The following HID1 variants were observed in gnomAD, a reference collection of about 807,000 sequenced individuals.
HID1 encodes protein HID1.
Under a neutral mutation model 89.7 loss-of-function variants are expected in HID1, and 42 were observed. The observed-to-expected ratio is 0.47, with a 90% CI of 0.37 to 0.61. HID1 has a LOEUF of 0.61. Among genes scored for constraint, HID1 ranks in the 20% least tolerant of loss-of-function variants. The pLI is 0.00. For missense variants in HID1, 854 were observed against 1,039.3 expected (o/e 0.82, Z 2.45); for synonymous variants, 442 against 433.8 (o/e 1.02, Z -0.24).
chr17:74,965,963 C>T (rs2039555906), intron 1 of HID1, among the ~76,000 whole-genome samples: 3 of 151,116 alleles, frequency 2.0e-5, no homozygotes, highest in South Asian at 4.2e-4. Flanking sequence ...CTAGGATGCT[C>T]ACAATTCATG....
At position 74,955,515 on chromosome 17, in the gene HID1, T is replaced by A. The variant is rs967622132; in HGVS notation, c.1636+277A>T. Among the ~76,000 whole-genome samples, 28 of 151,658 alleles carry A rather than the reference T, an allele frequency of 1.8e-4. 1 individual carries two copies. The highest frequency in any genetic ancestry group is 6.1e-4 in the African/African-American group (25 of 41,300). ...GACGCCGTCGGGAAAAAAAAAAAAA[T>A]TTCAGATGTCCATCATCTGTTTGAA... On this transcript the variant is annotated intron_variant, in intron 13 of 18. Coordinates refer to ENST00000425042, the MANE Select transcript of HID1 (RefSeq NM_030630.3).
At chr17:74,953,721 T>A (rs2039343126) in intron 14 of HID1, 70 bp from the exon 15 acceptor site, 9 of 1,231,866 alleles carry the variant, frequency 7.3e-6, no homozygotes, top group East Asian at 2.4e-5. Context: ...CTCCACCCAC[T>A]TTTTTATTTT....
At chr17:74,964,662 A>G in intron 1 of HID1, 30 bp from the exon 2 acceptor site, 1 of 1,600,776 alleles carries the variant, frequency 6.2e-7, no homozygotes. Context: ...CCAGAGTTAC[A>G]CAACTCCTGG....
rs375870263 is a variant in HID1 at position 74,959,021 on chromosome 17, G to A, written c.1039C>T (p.Arg347Trp). ...TGGAGCAGGGGGTTGGACAGCAGCC[G>A]GGCTATACCCTTGAGGATGAACTGG... ...DFQFILKGIA[R>W]LLSNPLLQTY... Residue 347 changes from arginine (R) to tryptophan (W), a missense_variant, in exon 9 of 19, where the codon CGG (arginine) becomes TGG (tryptophan). Coordinates refer to ENST00000425042, the MANE Select transcript of HID1 (RefSeq NM_030630.3). The surrounding 1 kb of genome is among the most constrained non-coding windows in gnomAD (Gnocchi z 4.6). 5.7e-6 allele frequency: 9 copies of A among 1,587,538 alleles called. No individual in the cohort carries two copies. Among genetic ancestry groups the A allele is most frequent in the South Asian group, 1.1e-5 (1 of 87,660 alleles).
At position 74,958,576 on chromosome 17, in the gene HID1, G is replaced by C; in HGVS notation, c.1240+97C>G. The C allele has an allele frequency of 6.3e-7, 1 of 1,584,120 alleles. No individual in the cohort carries two copies. Among genetic ancestry groups the C allele is most frequent in the Non-Finnish European group, 8.6e-7 (1 of 1,157,538 alleles). ...GAGGCCTCCCTCCTAGGAGGTCAGA[G>C]TGCCAGGCCTGAGCTCCTGGGAGTC... On this transcript the variant is annotated intron_variant, in intron 10 of 18. Transcript: ENST00000425042. This position sits in a 1 kb window ranked among gnomAD's most constrained non-coding sequence, Gnocchi z 5.2.
chr17:74,952,902 T>C, intron 16 of HID1, 104 bp downstream of exon 16: 3 of 849,806 alleles, frequency 3.5e-6, no homozygotes, highest in Non-Finnish European at 5.4e-6. Context: ...TCTTGCCATC[T>C]TCACTGAGCT....
At chr17:74,952,896 G>A (rs775219352) in intron 16 of HID1, 110 bp downstream of exon 16, 28 of 787,850 alleles carry the variant, frequency 3.6e-5, no homozygotes, top group Non-Finnish European at 5.1e-5. Context: ...CGGACATCTT[G>A]CCATCTTCAC....
At chr17:74,968,985 T>G (rs908725083) in intron 1 of HID1, among the ~76,000 whole-genome samples, 2 of 152,208 alleles carry the variant, frequency 1.3e-5, no homozygotes, top group Non-Finnish European at 2.9e-5. Context: ...CCTCCCTGTT[T>G]CCTCAGCTTG....
chr17:74,964,384 G>T lies in HID1; in HGVS notation c.216+99C>A, dbSNP rs1432719313. 21 of 1,313,950 alleles carry T rather than the reference G, an allele frequency of 1.6e-5. No homozygotes were observed. In the East Asian group the frequency reaches 5.0e-4, roughly 31 times the overall value. 81.4% of individuals were successfully genotyped at this position (1,313,950 alleles called of 1,614,324 possible). On this transcript the variant is annotated intron_variant, in intron 2 of 18. Coordinates refer to ENST00000425042, the MANE Select transcript of HID1 (RefSeq NM_030630.3). ...AAGAGCTGAGTGAGGCCACAGGGCT[G>T]CCTGCCCCTGTGGGGCGGGAGGCCC...
chr17:74,952,260 C>A lies in HID1; in HGVS notation c.2144+9G>T. 2 of 1,612,032 alleles carry A rather than the reference C, an allele frequency of 1.2e-6. No homozygotes were observed. The highest frequency in any genetic ancestry group is 8.5e-7 in the Non-Finnish European group (1 of 1,178,912). On this transcript the variant is annotated intron_variant, in intron 17 of 18. Transcript: ENST00000425042. Reference sequence around the variant, plus strand: ...CCACAACCCCCGGCCCTGCCGGCGCCCGACTCACTTGTCAATGCAGATCTT... The same window carrying A: ...CCACAACCCCCGGCCCTGCCGGCGCACGACTCACTTGTCAATGCAGATCTT...
intron 1 of HID1, among the ~76,000 whole-genome samples, chr17:74,970,425 G>T (rs775073240): frequency 1.3e-5 from 2 of 152,178 alleles, no homozygotes; most frequent in Non-Finnish European, 2.9e-5. Flanking sequence ...ATATGCACCC[G>T]CCAGGTTCAT....
Position 74,958,219 on chromosome 17 carries a change from C to A in HID1, c.1393G>T (p.Val465Leu), listed in dbSNP as rs1166270806. 3.1e-6 allele frequency: 5 copies of A among 1,610,334 alleles called. No individual in the cohort carries two copies. The highest frequency in any genetic ancestry group is 4.2e-6 in the Non-Finnish European group (5 of 1,178,494). The change falls in exon 12 of 19, where the codon GTG (valine) becomes TTG (leucine). Residue 465 changes from valine to leucine, a missense_variant and splice_region_variant. Physicochemically the swap from Val to Leu is conservative, Grantham distance 32. Transcript: ENST00000425042. This position sits in a 1 kb window ranked among gnomAD's most constrained non-coding sequence, Gnocchi z 5.2. ...TGTHADLLIV[V>L]FHKIITSGHQ... ...CCGCTGGTGATGATCTTGTGGAACA[C>A]CTGTGCCAGGAGGGACAGAGGCACC... is the stretch of plus-strand genomic sequence containing the variant.
rs559767552 is a variant in HID1, at chr17:74,962,481, C to T, written c.505-141G>A. 2 of 568,626 alleles carry T rather than the reference C, an allele frequency of 3.5e-6. No individual in the cohort carries two copies. The highest frequency in any genetic ancestry group is 5.9e-5 in the East Asian group (2 of 33,686). The allele number at this position is 568,626 out of a possible 1,614,324, so 35.2% of individuals were successfully genotyped here. On this transcript the variant is annotated intron_variant, in intron 4 of 18. Coordinates refer to ENST00000425042, the MANE Select transcript of HID1 (RefSeq NM_030630.3). This position sits in a 1 kb window ranked among gnomAD's most constrained non-coding sequence, Gnocchi z 4.3. The stretch of plus-strand genomic sequence containing the variant: ...TCCTAAAGACAGGTCCTCAAAATGG[C>T]CTGGCCCTCATGCACAAGAGCAGGA...
Position 74,951,284 on chromosome 17 carries a change from T to G in HID1, c.*286A>C. The G allele has an allele frequency of 3.8e-5, 20 of 521,456 alleles. No homozygotes were observed. The highest frequency in any genetic ancestry group is 4.8e-5 in the Non-Finnish European group (14 of 290,828). The allele number at this position is 521,456 out of a possible 1,614,324, so 32.3% of individuals were successfully genotyped here. On this transcript the variant is annotated 3_prime_UTR_variant, in exon 19 of 19. Coordinates refer to ENST00000425042, the MANE Select transcript of HID1 (RefSeq NM_030630.3). The stretch of plus-strand genomic sequence containing the variant: ...TGGGTGGGCACTGAGGGGCCAGCAC[T>G]GAGCCAGGTCTTAAAGAGGGAGTCC...
Position 74,963,826 on chromosome 17 carries a change from G to C in HID1, c.301C>G (p.Leu101Val), listed in dbSNP as rs1374211782. ...AAGATGTAGGGCAGCACGCGGGTGA[G>C]CAGCCGGCTGCAGTTCAGGACGATC... is the stretch of plus-strand genomic sequence containing the variant. The part of the protein sequence containing the change: ...KQIVLNCSRL[L>V]TRVLPYIFED... The change falls in exon 3 of 19, where the codon CTC (leucine) becomes GTC (valine). Residue 101 changes from leucine (L) to valine (V), a missense_variant. Leu to Val is a conservative substitution (Grantham distance 32, BLOSUM62 1). Coordinates refer to ENST00000425042, the MANE Select transcript of HID1 (RefSeq NM_030630.3). The C allele has an allele frequency of 6.2e-7, 1 of 1,614,012 alleles. No individual in the cohort carries two copies. The highest frequency in any genetic ancestry group is 8.5e-7 in the Non-Finnish European group (1 of 1,180,018).
Position 74,951,495 on chromosome 17 carries a change from G to T in HID1, c.*75C>A. 3 of 1,409,090 alleles carry T rather than the reference G, an allele frequency of 2.1e-6. No individual in the cohort carries two copies. The highest frequency in any genetic ancestry group is 1.9e-5 in the Admixed American group (1 of 51,536). 87.3% of individuals were successfully genotyped at this position (1,409,090 alleles called of 1,614,324 possible). ...CCTGATCGTGGTAATTTAAAGCTCA[G>T]AATGGTGGATGGGGGAAGCCTCAGG... On this transcript the variant is annotated 3_prime_UTR_variant, in exon 19 of 19. Coordinates refer to ENST00000425042, the MANE Select transcript of HID1 (RefSeq NM_030630.3).
intron 15 of HID1, among the ~76,000 whole-genome samples, chr17:74,953,298 G>GC (rs1228936545): frequency 2.0e-5 from 3 of 152,222 alleles, no homozygotes; most frequent in African/African-American, 7.2e-5. Flanking sequence ...GGCCAGCTCA[G>GC]ATAAGGCGGA....
chr17:74,954,417 C>T (rs756903394), intron 13 of HID1, 52 bp from the exon 14 acceptor site: 29 of 1,547,340 alleles, frequency 1.9e-5, no homozygotes, highest in East Asian at 4.9e-5. Flanking sequence ...CAGCTCCCCC[C>T]GTCCAATCTG....
intron 1 of HID1, among the ~76,000 whole-genome samples, chr17:74,971,169 G>A (rs1252319639): frequency 2.0e-5 from 3 of 152,152 alleles, no homozygotes; most frequent in Non-Finnish European, 2.9e-5. Flanking sequence ...CCCAGCTGCC[G>A]AGCCCACAGT....
Sources: allele counts gnomAD v4.1 joint callset (sites outside exome capture counted in the v4.1 genomes callset), GRCh38; gene constraint gnomAD v4.1.1; non-coding constraint Gnocchi (gnomAD v3.1); transcripts MANE v1.5; gene names NCBI Gene and HGNC (gene_info 2026-07-23, HGNC 2026-07-21).